The following QTMAN variants were observed in gnomAD, a reference collection of about 807,000 sequenced individuals.
QTMAN encodes the protein tRNA-queuosine alpha-mannosyltransferase.
At chr2:144,286,900 C>G in the QTMAN span, among the ~76,000 whole-genome samples, 1 of 152,200 alleles carries the variant, frequency 6.6e-6, no homozygotes, top group African/African-American at 2.4e-5. Context: ...TTTATAGCTT[C>G]ACATGTAATT....
the QTMAN span, chr2:143,957,132 AAC>A: frequency 1.6e-6 from 2 of 1,279,732 alleles, no homozygotes; most frequent in Non-Finnish European, 2.1e-6. Flanking sequence ...AATAACAGCG[AAC>A]ACACATAGTA....
the QTMAN span, among the ~76,000 whole-genome samples, chr2:144,095,333 T>C: frequency 6.6e-6 from 1 of 152,226 alleles, no homozygotes; most frequent in Non-Finnish European, 1.5e-5. Context: ...GTAGGGACTC[T>C]GTAAGTATGC....
chr2:143,976,935 G>A, the QTMAN span, among the ~76,000 whole-genome samples: 1 of 152,176 alleles, frequency 6.6e-6, no homozygotes, highest in Admixed American at 6.5e-5. Flanking sequence ...CCTCTGTCTA[G>A]CAGTAGGCCA....
At chr2:144,015,372 G>A in the QTMAN span, among the ~76,000 whole-genome samples, 8 of 152,116 alleles carry the variant, frequency 5.3e-5, no homozygotes, top group Admixed American at 5.2e-4. Context: ...CCACTTTAAA[G>A]CATTCTCTGC....
chr2:144,057,750 A>T, the QTMAN span, among the ~76,000 whole-genome samples: 1 of 152,156 alleles, frequency 6.6e-6, no homozygotes, highest in Admixed American at 6.5e-5. Flanking sequence ...AAACCTCCAA[A>T]TTTCCCAAGA....
chr2:144,058,133 A>AACACACACACACACAC, the QTMAN span, among the ~76,000 whole-genome samples: 9 of 97,224 alleles, frequency 9.3e-5, no homozygotes, highest in African/African-American at 3.7e-4. Context: ...CACCCCGCTA[A>AACACACACACACACAC]ACACACACAC....
the QTMAN span, among the ~76,000 whole-genome samples, chr2:144,281,804 C>A: frequency 6.6e-6 from 1 of 152,106 alleles, no homozygotes; most frequent in African/African-American, 2.4e-5. Context: ...AGCAAACCTG[C>A]CAACACATTG....
At chr2:144,201,371 G>GT in the QTMAN span, among the ~76,000 whole-genome samples, 1 of 152,152 alleles carries the variant, frequency 6.6e-6, no homozygotes, top group Non-Finnish European at 1.5e-5. Flanking sequence ...AACAAGGCCA[G>GT]TGCTGCCACA....
At chr2:144,271,085 T>C in the QTMAN span, among the ~76,000 whole-genome samples, 1 of 152,244 alleles carries the variant, frequency 6.6e-6, no homozygotes, top group Non-Finnish European at 1.5e-5. Context: ...TATTAGTTTT[T>C]TCCCCCAGTA....
chr2:143,966,830 A>G, the QTMAN span, among the ~76,000 whole-genome samples: 4 of 152,276 alleles, frequency 2.6e-5, no homozygotes, highest in Admixed American at 6.5e-5. Context: ...TTGCTGAGTT[A>G]TAGTTTTCAA....
the QTMAN span, among the ~76,000 whole-genome samples, chr2:144,111,340 T>C: frequency 6.6e-6 from 1 of 152,214 alleles, no homozygotes; most frequent in Non-Finnish European, 1.5e-5. Flanking sequence ...TTCACACCTC[T>C]GGGGCCATTC....
chr2:143,959,329 A>G, the QTMAN span, among the ~76,000 whole-genome samples: 2 of 147,416 alleles, frequency 1.4e-5, no homozygotes, highest in East Asian at 1.9e-4. Context: ...TGTACTGTGG[A>G]AAAAAAAAAC....
chr2:143,944,938 T>A, the QTMAN span: 2 of 151,634 alleles, frequency 1.3e-5, no homozygotes, highest in Non-Finnish European at 2.9e-5. Context: ...TTTTTTCCTA[T>A]CAGTGAGAAA....
chr2:144,332,269 C>T, the QTMAN span, among the ~76,000 whole-genome samples: 3 of 151,114 alleles, frequency 2.0e-5, no homozygotes, highest in Admixed American at 6.6e-5. Context: ...AGCTCCGCCT[C>T]CCCCACACCC....
chr2:144,292,395 C>T, the QTMAN span, among the ~76,000 whole-genome samples: 1 of 152,148 alleles, frequency 6.6e-6, no homozygotes, highest in Non-Finnish European at 1.5e-5. Flanking sequence ...TACTTAAGGC[C>T]CAGCTCAAGT....
the QTMAN span, among the ~76,000 whole-genome samples, chr2:144,130,095 A>G: frequency 7.3e-6 from 1 of 137,324 alleles, no homozygotes; most frequent in African/African-American, 3.5e-5. Flanking sequence ...ATTTCTGGAA[A>G]AAAAAAAAAA....
the QTMAN span, among the ~76,000 whole-genome samples, chr2:144,082,635 C>A: frequency 6.6e-6 from 1 of 152,002 alleles, no homozygotes; most frequent in Non-Finnish European, 1.5e-5. Flanking sequence ...TATACCATAG[C>A]CCTTAGCAGT....
the QTMAN span, among the ~76,000 whole-genome samples, chr2:144,134,812 TCTC>T: frequency 6.6e-6 from 1 of 152,074 alleles, no homozygotes; most frequent in Non-Finnish European, 1.5e-5. Context: ...CATCCATTCA[TCTC>T]CTCATTAAAA....
At chr2:144,142,137 T>A in the QTMAN span, 1 of 912,078 alleles carries the variant, frequency 1.1e-6, no homozygotes, top group Non-Finnish European at 1.7e-6. Flanking sequence ...CTCTATGGAT[T>A]AATCAGAGTT....
Sources: gnomAD v4.1 joint callset for allele counts (sites outside exome capture counted in the v4.1 genomes callset) on GRCh38, gnomAD v4.1.1 for gene constraint, MANE v1.5 for transcripts, NCBI Gene and HGNC (gene_info 2026-07-23, HGNC 2026-07-21) for gene names.